PCDHGA3: variants seen among roughly 807,000 people sequenced by gnomAD.
PCDHGA3 encodes protocadherin gamma subfamily A, 3, also known as protocadherin gamma-A3.
In PCDHGA3, 40 loss-of-function variants were observed where a neutral mutation model predicts 58.5. That is an observed-to-expected ratio of 0.68 (90% CI 0.53 to 0.89). The LOEUF (loss-of-function observed/expected upper bound fraction) is 0.89, where lower values mean the gene tolerates loss of function less well. Ranked by LOEUF, PCDHGA3 falls within the 40% of genes least tolerant of loss-of-function variation. PCDHGA3 has a pLI of 0.00. For missense variants in PCDHGA3, 1,223 were observed against 1,195.9 expected, an observed-to-expected ratio of 1.02 and a Z score of -0.33; for synonymous variants, 530 against 525.7, an observed-to-expected ratio of 1.01 and a Z score of -0.11.
At chr5:141,414,046 A>G (rs780040293) in intron 1 of PCDHGA3, 1 of 1,611,254 alleles carries the variant, frequency 6.2e-7, no homozygotes, top group Non-Finnish European at 8.5e-7. Context: ...ATTACCTGAC[A>G]CGCAATTGTT....
At chr5:141,426,037 G>A (rs2096911238) in intron 1 of PCDHGA3, among the ~76,000 whole-genome samples, 1 of 152,176 alleles carries the variant, frequency 6.6e-6, no homozygotes, top group South Asian at 2.1e-4. Flanking sequence ...TCAGAGCCCT[G>A]CTGTTGGCCA....
chr5:141,400,267 T>C (rs749494967), intron 1 of PCDHGA3: 4 of 1,614,030 alleles, frequency 2.5e-6, no homozygotes, highest in Middle Eastern at 1.6e-4. Context: ...CCTGCGACGC[T>C]CCTCCAGCCC....
Position 141,476,290 on chromosome 5 carries a change from C to G in PCDHGA3, c.2425-18517C>G, listed in dbSNP as rs768208156. The stretch of plus-strand genomic sequence containing the variant: ...TGGTCGCGAACCTTGGTTTGGATCT[C>G]GGTAGCCTCTCAGCCCGCAGGTTCC... On this transcript the variant is annotated intron_variant, in intron 1 of 3. Coordinates refer to ENST00000253812, the MANE Select transcript of PCDHGA3 (RefSeq NM_018916.4). The surrounding 1 kb of genome is among the most constrained non-coding windows in gnomAD (Gnocchi z 7.6). 1 of 1,614,050 alleles carries G rather than the reference C, an allele frequency of 6.2e-7. No homozygotes were observed. The highest frequency in any genetic ancestry group is 1.7e-5 in the Admixed American group (1 of 60,012).
intron 3 of PCDHGA3, among the ~76,000 whole-genome samples, chr5:141,506,567 T>G (rs2099855029): frequency 6.6e-6 from 1 of 152,182 alleles, no homozygotes; most frequent in Non-Finnish European, 1.5e-5. Flanking sequence ...CCCCCTCGGT[T>G]TCACTTACTA....
At chr5:141,478,269 A>G in intron 1 of PCDHGA3, 1 of 1,614,146 alleles carries the variant, frequency 6.2e-7, no homozygotes, top group Non-Finnish European at 8.5e-7. Flanking sequence ...TTCAAAGTTT[A>G]CAAGTGGAAG....
intron 1 of PCDHGA3, chr5:141,351,085 C>A (rs760611278): frequency 6.2e-7 from 1 of 1,614,034 alleles, no homozygotes; most frequent in Non-Finnish European, 8.5e-7. Context: ...CAGAGATCAC[C>A]TATGCCTTCC....
At chr5:141,352,929 A>G (rs1001417027) in intron 1 of PCDHGA3, among the ~76,000 whole-genome samples, 6 of 152,240 alleles carry the variant, frequency 3.9e-5, no homozygotes, top group Admixed American at 1.3e-4. Flanking sequence ...TGGAGATTGT[A>G]GTGAGCCAAG....
rs1331087585 is a variant in PCDHGA3 at position 141,365,757 on chromosome 5, C to G, written c.2424+19300C>G. 6 of 1,613,830 alleles carry G rather than the reference C, an allele frequency of 3.7e-6. No individual in the cohort carries two copies. The South Asian group carries it at 6.6e-5, about 18-fold the overall frequency. On this transcript the variant is annotated intron_variant, in intron 1 of 3. Transcript: ENST00000253812. ...GGTGTCTCTATCTTCTCTGTGACAG[C>G]CCATGACCCCGACAGCGGCGACAAC...
In PCDHGA3 at chr5:141,431,339, TTGG is replaced by T. The variant is rs750589924; in HGVS notation, c.2425-63465_2425-63463del. ...AGCCGACGGTAGTAAGTACCCCGAA[TTGG>T]TGCTGAAACGCGCCCTGGACCGCGA... is the stretch of plus-strand genomic sequence containing the variant. On this transcript the variant is annotated intron_variant, in intron 1 of 3. Coordinates refer to ENST00000253812, the MANE Select transcript of PCDHGA3 (RefSeq NM_018916.4). The surrounding 1 kb of genome is among the most constrained non-coding windows in gnomAD (Gnocchi z 4.8). 4 of 1,614,060 alleles carry T rather than the reference TTGG, an allele frequency of 2.5e-6. No individual in the cohort carries two copies. The Admixed American group carries it at 6.7e-5, about 27-fold the overall frequency.
At chr5:141,433,212 T>C (rs747556366) in intron 1 of PCDHGA3, 75 of 1,570,956 alleles carry the variant, frequency 4.8e-5, no homozygotes, top group Non-Finnish European at 6.2e-5. Flanking sequence ...TTCTTTCTTT[T>C]TTTTTTTTAA....
At chr5:141,350,546 A>T (rs886105437) in intron 1 of PCDHGA3, 2 of 1,613,906 alleles carry the variant, frequency 1.2e-6, no homozygotes, top group Admixed American at 1.7e-5. Context: ...TTGCGGAAGG[A>T]AACTTGAGTG....
At chr5:141,360,307 G>C in intron 1 of PCDHGA3, 2 of 1,613,880 alleles carry the variant, frequency 1.2e-6, no homozygotes, top group Non-Finnish European at 1.7e-6. Context: ...GGGGCTCAGC[G>C]TCCGGGACTT....
intron 1 of PCDHGA3, chr5:141,405,435 T>TAG: frequency 6.8e-7 from 1 of 1,463,324 alleles, no homozygotes; most frequent in Non-Finnish European, 9.3e-7. Flanking sequence ...TTGTTTTGTT[T>TAG]TTGAGACAGA....
intron 1 of PCDHGA3, among the ~76,000 whole-genome samples, chr5:141,447,954 CGGACACCTA>C (rs2098556369): frequency 6.6e-6 from 1 of 151,814 alleles, no homozygotes; most frequent in Non-Finnish European, 1.5e-5. Context: ...GGCATGGTGG[CGGACACCTA>C]TAATCCCAGC....
chr5:141,472,145 A>C (rs1376068421), intron 1 of PCDHGA3, among the ~76,000 whole-genome samples: 1 of 152,244 alleles, frequency 6.6e-6, no homozygotes, highest in Non-Finnish European at 1.5e-5. Context: ...TAAAAGTTTC[A>C]TGGTTACATA....
rs150714552 is a variant in PCDHGA3, at chr5:141,473,285, G to A, written c.2425-21522G>A. On this transcript the variant is annotated intron_variant, in intron 1 of 3. Transcript: ENST00000253812. ...GTGTATGCTATGATTATTTTACTATGTCAGTAGCATAAAGATTGCTATATT... is the reference window on the plus strand; with the variant it reads ...GTGTATGCTATGATTATTTTACTATATCAGTAGCATAAAGATTGCTATATT... 3.9e-3 allele frequency among the ~76,000 whole-genome samples: 590 copies of A among 152,296 alleles called. 6 individuals are homozygous for A. Among genetic ancestry groups the A allele is most frequent in the Admixed American group, 0.011 (170 of 15,296 alleles).
chr5:141,431,603 C>T lies in PCDHGA3; in HGVS notation c.2425-63204C>T, dbSNP rs746243366. On this transcript the variant is annotated intron_variant, in intron 1 of 3. Coordinates refer to ENST00000253812, the MANE Select transcript of PCDHGA3 (RefSeq NM_018916.4). This position sits in a 1 kb window ranked among gnomAD's most constrained non-coding sequence, Gnocchi z 4.8. ...CAATGCGGAAGTGAGGTATTCCTTC[C>T]GGTATGTGGACGACAAGGCGGCCCA... is the stretch of plus-strand genomic sequence containing the variant. 1.1e-5 allele frequency: 17 copies of T among 1,614,212 alleles called. No individual in the cohort carries two copies. Among genetic ancestry groups the T allele is most frequent in the Non-Finnish European group, 1.4e-5 (16 of 1,180,044 alleles).
intron 1 of PCDHGA3, chr5:141,362,388 C>G (rs1267165641): frequency 2.5e-6 from 4 of 1,613,948 alleles, no homozygotes; most frequent in African/African-American, 2.7e-5. Flanking sequence ...TGCCCTATTC[C>G]TACAACCTGT....
chr5:141,500,216 ATT>A (rs1562194139), intron 2 of PCDHGA3, among the ~76,000 whole-genome samples: 8 of 149,244 alleles, frequency 5.4e-5, no homozygotes, highest in African/African-American at 2.0e-4. Flanking sequence ...TTATTTATTT[ATT>A]TATTTATTGA....
Sources: gnomAD v4.1 joint callset for allele counts (sites outside exome capture counted in the v4.1 genomes callset) on GRCh38, gnomAD v4.1.1 for gene constraint, Gnocchi (gnomAD v3.1) non-coding constraint, MANE v1.5 for transcripts, NCBI Gene and HGNC (gene_info 2026-07-23, HGNC 2026-07-21) for gene names.